Variants in CNBD1 observed in about 807,000 individuals in gnomAD.
The protein encoded by CNBD1 is cyclic nucleotide binding domain containing 1.
CNBD1 carries 71 observed loss-of-function variants against 54.4 expected under a neutral mutation model. That is an observed-to-expected ratio of 1.30 (90% CI 1.08 to 1.59). CNBD1 has a LOEUF of 1.59. Among genes scored for constraint, CNBD1 ranks in the 40% most tolerant of loss-of-function variants. CNBD1 has a pLI of 0.00. For missense variants in CNBD1, 659 were observed against 518.0 expected (o/e 1.27, Z -2.64); for synonymous variants, 182 against 170.7 (o/e 1.07, Z -0.51).
At chr8:87,321,687 T>G (rs978587894) in intron 8 of CNBD1, among the ~76,000 whole-genome samples, 1 of 152,196 alleles carries the variant, frequency 6.6e-6, no homozygotes, top group African/African-American at 2.4e-5. Flanking sequence ...AAAAACTTTT[T>G]AATTTGATAT....
intron 6 of CNBD1, among the ~76,000 whole-genome samples, chr8:87,250,450 G>C (rs553378059): frequency 6.6e-6 from 1 of 152,278 alleles, no homozygotes; most frequent in South Asian, 2.1e-4. Context: ...ACTACCATGT[G>C]ATCCAGAAAT....
Position 86,902,359 on chromosome 8 carries a change from G to A in CNBD1, c.159-2722G>A, listed in dbSNP as rs114531969. Among the ~76,000 whole-genome samples, 1,209 of 152,098 alleles carry A rather than the reference G, an allele frequency of 7.9e-3. 16 individuals are homozygous for A. The highest frequency in any genetic ancestry group is 0.027 in the African/African-American group (1,130 of 41,508). ...ATTTAAAAATAAGTCATTTTTACATGAGAGTACAGATCTCTGACTTCTGTA... is the reference window on the plus strand; with the variant it reads ...ATTTAAAAATAAGTCATTTTTACATAAGAGTACAGATCTCTGACTTCTGTA... On this transcript the variant is annotated intron_variant, in intron 2 of 10. Coordinates refer to ENST00000518476, the MANE Select transcript of CNBD1 (RefSeq NM_173538.3).
intron 4 of CNBD1, among the ~76,000 whole-genome samples, chr8:86,957,700 G>A (rs1586161684): frequency 6.6e-6 from 1 of 151,790 alleles, no homozygotes; most frequent in Non-Finnish European, 1.5e-5. Context: ...TTTTATTGCA[G>A]CTATTTGATT....
At chr8:87,411,427 T>TATATATATATATATATATATATG (rs71277943) in intron 2 of CNBD1, among the ~76,000 whole-genome samples, 1 of 140,878 alleles carries the variant, frequency 7.1e-6, no homozygotes, top group Non-Finnish European at 1.5e-5. Flanking sequence ...TATATATATA[T>TATATATATATATATATATATATG]TTCATTCACA....
intron 4 of CNBD1, among the ~76,000 whole-genome samples, chr8:87,155,605 T>C (rs921980732): frequency 2.0e-5 from 3 of 152,192 alleles, no homozygotes; most frequent in African/African-American, 7.2e-5. Flanking sequence ...GATTTCTGAA[T>C]AGAGCTGGTT....
At chr8:87,262,697 C>G (rs931083479) in intron 6 of CNBD1, among the ~76,000 whole-genome samples, 6 of 152,148 alleles carry the variant, frequency 3.9e-5, no homozygotes, top group African/African-American at 1.4e-4. Flanking sequence ...AAACTTTTAG[C>G]TTGGTTCTGC....
At chr8:87,030,689 T>C (rs1291714028) in intron 4 of CNBD1, among the ~76,000 whole-genome samples, 1 of 152,116 alleles carries the variant, frequency 6.6e-6, no homozygotes, top group Non-Finnish European at 1.5e-5. Context: ...AAAATTGACA[T>C]GTTTGCTTCA....
At chr8:87,288,406 C>A (rs1808733840) in intron 8 of CNBD1, among the ~76,000 whole-genome samples, 1 of 151,736 alleles carries the variant, frequency 6.6e-6, no homozygotes. Context: ...CCAATCTTTG[C>A]CCATCTATCA....
At chr8:87,293,802 A>T (rs190762272) in intron 8 of CNBD1, among the ~76,000 whole-genome samples, 1 of 152,272 alleles carries the variant, frequency 6.6e-6, no homozygotes, top group African/African-American at 2.4e-5. Context: ...GATTTTTTGG[A>T]TATGGTTTAA....
intron 8 of CNBD1, among the ~76,000 whole-genome samples, chr8:87,309,102 T>C (rs1563546508): frequency 6.6e-6 from 1 of 152,134 alleles, no homozygotes; most frequent in Non-Finnish European, 1.5e-5. Context: ...TTTGGGTAAG[T>C]AGTCAGTAAT....
intron 4 of CNBD1, among the ~76,000 whole-genome samples, chr8:86,964,034 C>T (rs1245909754): frequency 6.7e-6 from 1 of 150,184 alleles, no homozygotes. Context: ...TGTCTCCTTC[C>T]CTCTCTTGGG....
intron 4 of CNBD1, among the ~76,000 whole-genome samples, chr8:86,995,741 AC>A (rs1808857496): frequency 6.6e-6 from 1 of 152,086 alleles, no homozygotes; most frequent in Admixed American, 6.6e-5. Context: ...AGAGTCAAAA[AC>A]ACAATGGAAT....
chr8:87,387,235 G>A (rs1478087971), downstream of CNBD1, among the ~76,000 whole-genome samples: 1 of 152,092 alleles, frequency 6.6e-6, no homozygotes, highest in African/African-American at 2.4e-5. Flanking sequence ...GTAATGACAG[G>A]ATCAAGTTCA....
chr8:87,177,664 A>C (rs1339417436), intron 4 of CNBD1, among the ~76,000 whole-genome samples: 2 of 152,180 alleles, frequency 1.3e-5, no homozygotes, highest in Non-Finnish European at 2.9e-5. Context: ...CAAAGCACTC[A>C]AGATAAATTT....
chr8:86,878,143 A>T (rs923564911), intron 1 of CNBD1, among the ~76,000 whole-genome samples: 5 of 151,662 alleles, frequency 3.3e-5, no homozygotes, highest in African/African-American at 1.2e-4. Context: ...GGAGAAGCAC[A>T]GATTTTTGCT....
chr8:87,426,488 T>C (rs1050158877), intron 2 of CNBD1, among the ~76,000 whole-genome samples: 7 of 152,326 alleles, frequency 4.6e-5, no homozygotes, highest in African/African-American at 1.7e-4. Flanking sequence ...TTGAGAGAAA[T>C]TCTGCACAAT....
intron 8 of CNBD1, among the ~76,000 whole-genome samples, chr8:87,342,434 A>G (rs967502298): frequency 2.6e-5 from 4 of 152,192 alleles, no homozygotes; most frequent in Non-Finnish European, 4.4e-5. Flanking sequence ...TTACTACATT[A>G]TGAATCAGTT....
At chr8:87,350,392 C>G (rs998246961) in intron 8 of CNBD1, among the ~76,000 whole-genome samples, 1 of 151,796 alleles carries the variant, frequency 6.6e-6, no homozygotes. Flanking sequence ...ATAGACTATC[C>G]TCATAATTAT....
Position 87,357,847 on chromosome 8 carries a change from C to T in CNBD1, c.1303+4061C>T, listed in dbSNP as rs557692167. ...AAATCTCAGGTTGAAGGGTGATCCT[C>T]ATTGTTAGAGGTGGGGACTGGTGAG... On this transcript the variant is annotated intron_variant, in intron 10 of 10. Coordinates refer to ENST00000518476, the MANE Select transcript of CNBD1 (RefSeq NM_173538.3). Among the ~76,000 whole-genome samples the T allele has an allele frequency of 8.5e-5, 13 of 152,216 alleles. No homozygotes were observed. In the South Asian group the frequency reaches 2.5e-3, roughly 29 times the overall value.
Sources: gnomAD v4.1 joint callset for allele counts (sites outside exome capture counted in the v4.1 genomes callset) on GRCh38, gnomAD v4.1.1 for gene constraint, MANE v1.5 for transcripts, NCBI Gene and HGNC (gene_info 2026-07-23, HGNC 2026-07-21) for gene names.